The following NSUN6 variants were observed in gnomAD, a reference collection of about 807,000 sequenced individuals.
The protein encoded by NSUN6 is NOP2/Sun RNA methyltransferase 6, also known as tRNA (cytosine(72)-C(5))-methyltransferase NSUN6.
NSUN6 carries 64 observed loss-of-function variants against 58.0 expected under a neutral mutation model. The observed-to-expected ratio is 1.10, with a 90% CI of 0.90 to 1.36. The LOEUF is 1.36. Ranked by LOEUF, NSUN6 falls within the 40% of genes most tolerant of loss-of-function variation. The pLI, the probability that NSUN6 is intolerant of heterozygous loss-of-function variation, is 0.00. For missense variants in NSUN6, 701 were observed against 550.1 expected, an observed-to-expected ratio of 1.27 and a Z score of -2.74; for synonymous variants, 231 against 193.9, an observed-to-expected ratio of 1.19 and a Z score of -1.59.
chr10:18,583,274 C>T (rs556230709), intron 8 of NSUN6, among the ~76,000 whole-genome samples: 49 of 152,132 alleles, frequency 3.2e-4, no homozygotes, highest in Non-Finnish European at 6.6e-4. Flanking sequence ...TTGCCATTAC[C>T]TACCCAACTC....
intron 8 of NSUN6, among the ~76,000 whole-genome samples, chr10:18,564,242 T>C (rs1030367115): frequency 2.6e-5 from 4 of 151,196 alleles, no homozygotes; most frequent in Admixed American, 2.0e-4. Context: ...TTACATTCCA[T>C]TCTCCATTCC....
At chr10:18,554,450 A>C (rs2054835302) in intron 8 of NSUN6, among the ~76,000 whole-genome samples, 1 of 151,562 alleles carries the variant, frequency 6.6e-6, no homozygotes, top group African/African-American at 2.4e-5. Flanking sequence ...TGGAATGAAC[A>C]ATGGAATGGG....
At chr10:18,624,162 A>C (rs924076332) in intron 3 of NSUN6, among the ~76,000 whole-genome samples, 12 of 152,208 alleles carry the variant, frequency 7.9e-5, no homozygotes, top group Non-Finnish European at 1.3e-4. Context: ...TAAAAGAACA[A>C]AGATGAAAGT....
Position 18,551,830 on chromosome 10 carries a change from A to G in NSUN6, c.1064T>C (p.Phe355Ser). 10 of 1,612,844 alleles carry G rather than the reference A, an allele frequency of 6.2e-6. No individual in the cohort carries two copies. Among genetic ancestry groups the G allele is most frequent in the Non-Finnish European group, 8.5e-6 (10 of 1,179,434 alleles). ...ASYQPLQRKLFTAAVQLLKPE... is the reference protein window; with the variant it reads ...ASYQPLQRKLSTAAVQLLKPE... The stretch of plus-strand genomic sequence containing the variant: ...AAACAGACCACCACATACTGCAGTG[A>G]AGAGTTTTCGCTGTAATGGCTGATA... The change falls in exon 9 of 11, where the codon TTC (phenylalanine) becomes TCC (serine). Residue 355 changes from phenylalanine (F) to serine (S), a missense_variant. Phe to Ser is a radical substitution (Grantham distance 155). Transcript: ENST00000377304.
chr10:18,608,801 G>C (rs1224922598), intron 6 of NSUN6, among the ~76,000 whole-genome samples: 2 of 152,058 alleles, frequency 1.3e-5, no homozygotes, highest in Non-Finnish European at 2.9e-5. Flanking sequence ...GTTTGAAAAT[G>C]AATTACATAA....
rs538618775 is a variant in NSUN6 at position 18,555,466 on chromosome 10, T to C, written c.923-3495A>G. Among the ~76,000 whole-genome samples, 9 of 147,610 alleles carry C rather than the reference T, an allele frequency of 6.1e-5. No homozygotes were observed. In the East Asian group the frequency reaches 1.0e-3, roughly 17 times the overall value. The stretch of plus-strand genomic sequence containing the variant: ...GAACAGAGTGGAATAGAGAATGGGA[T>C]AGAATGCAGTGGTGAATAGAATGGA... On this transcript the variant is annotated intron_variant, in intron 8 of 10. Coordinates refer to ENST00000377304, the MANE Select transcript of NSUN6 (RefSeq NM_182543.5).
chr10:18,630,455 T>G (rs543877443), intron 3 of NSUN6, among the ~76,000 whole-genome samples: 1 of 152,058 alleles, frequency 6.6e-6, no homozygotes, highest in African/African-American at 2.4e-5. Flanking sequence ...AAAAAATCAA[T>G]GAATCCAGGA....
At chr10:18,600,958 A>ATATATATATATATATATATGTG (rs2057796821) in intron 6 of NSUN6, among the ~76,000 whole-genome samples, 2 of 99,840 alleles carry the variant, frequency 2.0e-5, no homozygotes, top group East Asian at 7.1e-4. Context: ...ATATATATAT[A>ATATATATATATATATATATGTG]TACATATATA....
intron 8 of NSUN6, among the ~76,000 whole-genome samples, chr10:18,579,785 G>A (rs866227768): frequency 2.0e-5 from 3 of 152,112 alleles, no homozygotes; most frequent in Non-Finnish European, 4.4e-5. Context: ...TTTGAGTCTT[G>A]ATCAGCCTTC....
At chr10:18,657,577 T>G (rs1590218602), upstream of NSUN6, among the ~76,000 whole-genome samples, 2 of 151,754 alleles carry the variant, frequency 1.3e-5, no homozygotes, top group East Asian at 3.9e-4. Flanking sequence ...AAATCTATAG[T>G]TTTTTTTGCT....
chr10:18,632,974 T>C (rs1187537874), intron 3 of NSUN6, among the ~76,000 whole-genome samples: 4 of 152,070 alleles, frequency 2.6e-5, no homozygotes, highest in Admixed American at 1.3e-4. Flanking sequence ...TATTCCGGCA[T>C]TATTCACAAT....
At chr10:18,608,751 T>TA (rs2058127448) in intron 6 of NSUN6, among the ~76,000 whole-genome samples, 1 of 151,872 alleles carries the variant, frequency 6.6e-6, no homozygotes, top group African/African-American at 2.4e-5. Context: ...CAGGTATCAC[T>TA]AGCAATGACT....
chr10:18,602,009 C>G (rs1037947134), intron 6 of NSUN6, among the ~76,000 whole-genome samples: 1 of 151,758 alleles, frequency 6.6e-6, no homozygotes, highest in Non-Finnish European at 1.5e-5. Context: ...CATCAAGATG[C>G]TGGGGGAGAG....
At chr10:18,623,333 A>G (rs1033913999) in intron 3 of NSUN6, among the ~76,000 whole-genome samples, 2 of 152,128 alleles carry the variant, frequency 1.3e-5, no homozygotes, top group Non-Finnish European at 2.9e-5. Flanking sequence ...TCTAAATCCC[A>G]TGGCAATGAA....
chr10:18,569,072 A>T (rs1363380882), intron 8 of NSUN6, among the ~76,000 whole-genome samples: 1 of 145,868 alleles, frequency 6.9e-6, no homozygotes, highest in Non-Finnish European at 1.5e-5. Context: ...ATTTCATTCC[A>T]TTCTCCATTC....
intron 3 of NSUN6, among the ~76,000 whole-genome samples, chr10:18,640,921 A>C (rs1355352809): frequency 6.6e-6 from 1 of 151,536 alleles, no homozygotes; most frequent in Non-Finnish European, 1.5e-5. Flanking sequence ...CCTCTCTCCC[A>C]ATCTAATTTC....
intron 9 of NSUN6, among the ~76,000 whole-genome samples, chr10:18,551,504 G>C (rs11014830): frequency 6.6e-6 from 1 of 151,692 alleles, no homozygotes; most frequent in Non-Finnish European, 1.5e-5. Flanking sequence ...TCCTGTCTCT[G>C]TGAATTTCCC....
chr10:18,621,172 G>C (rs1478315703), intron 3 of NSUN6, among the ~76,000 whole-genome samples: 1 of 152,182 alleles, frequency 6.6e-6, no homozygotes, highest in Admixed American at 6.6e-5. Flanking sequence ...GTATGTACCA[G>C]GCAGTGGGAA....
intron 8 of NSUN6, among the ~76,000 whole-genome samples, chr10:18,564,885 T>C: frequency 6.6e-6 from 1 of 150,810 alleles, no homozygotes; most frequent in Non-Finnish European, 1.5e-5. Context: ...CTCCATTCCA[T>C]TCCATTTCAT....
Sources: gnomAD v4.1 joint callset for allele counts (sites outside exome capture counted in the v4.1 genomes callset) on GRCh38, gnomAD v4.1.1 for gene constraint, MANE v1.5 for transcripts, NCBI Gene and HGNC (gene_info 2026-07-23, HGNC 2026-07-21) for gene names.